Variants in PRKCH observed in about 807,000 individuals in gnomAD.
The protein encoded by PRKCH is protein kinase C eta, also known as protein kinase C eta type.
In PRKCH, 28 loss-of-function variants were observed where a neutral mutation model predicts 82.5. That is an observed-to-expected ratio of 0.34 (90% CI 0.25 to 0.47). PRKCH has a LOEUF of 0.47. Ranked by LOEUF, PRKCH falls within the 20% of genes least tolerant of loss-of-function variation. The pLI, the probability that PRKCH is intolerant of heterozygous loss-of-function variation, is 1.00. For synonymous variants in PRKCH, 322 were observed against 327.4 expected, an observed-to-expected ratio of 0.98 and a Z score of 0.18; for missense variants, 705 against 881.8, an observed-to-expected ratio of 0.80 and a Z score of 2.54.
At chr14:61,380,629 C>G (rs1277976974) in intron 1 of PRKCH, among the ~76,000 whole-genome samples, 1 of 152,156 alleles carries the variant, frequency 6.6e-6, no homozygotes, top group Non-Finnish European at 1.5e-5. Context: ...ATTACATTAC[C>G]TGGGAATTTA....
intron 1 of PRKCH, among the ~76,000 whole-genome samples, chr14:61,243,383 C>CAAAAAAAAA (rs10555022): frequency 9.7e-6 from 1 of 103,402 alleles, no homozygotes; most frequent in Non-Finnish European, 2.0e-5. Context: ...GACTCTGTCT[C>CAAAAAAAAA]AAAAAAAAAA....
intron 1 of PRKCH, among the ~76,000 whole-genome samples, chr14:61,352,796 G>C (rs1314767877): frequency 6.6e-6 from 1 of 152,132 alleles, no homozygotes; most frequent in African/African-American, 2.4e-5. Context: ...AGGCATGCCT[G>C]GTATGACCTA....
intron 9 of PRKCH, among the ~76,000 whole-genome samples, chr14:61,474,701 A>G (rs946410125): frequency 6.6e-6 from 1 of 152,238 alleles, no homozygotes; most frequent in African/African-American, 2.4e-5. Context: ...AACTTAAAGT[A>G]TAATTTTAAA....
intron 1 of PRKCH, among the ~76,000 whole-genome samples, chr14:61,226,556 G>C (rs1250654611): frequency 6.6e-6 from 1 of 152,194 alleles, no homozygotes; most frequent in African/African-American, 2.4e-5. Flanking sequence ...TGGGGCAACT[G>C]TGTCCTGCTC....
chr14:61,425,068 C>G (rs1471834726), intron 2 of PRKCH, among the ~76,000 whole-genome samples: 1 of 152,218 alleles, frequency 6.6e-6, no homozygotes, highest in South Asian at 2.1e-4. Flanking sequence ...TATGGAAATA[C>G]CTGGATGTCC....
upstream of PRKCH, among the ~76,000 whole-genome samples, chr14:61,317,024 C>T (rs559067050): frequency 4.8e-4 from 73 of 152,288 alleles, no homozygotes; most frequent in African/African-American, 1.7e-3. Flanking sequence ...CTGTATTTTG[C>T]CTGTAGCCTT....
chr14:61,524,643 G>C lies in PRKCH; in HGVS notation c.1434-4432G>C, dbSNP rs571231172. ...TTCTTTTGCTTTAAAAAAAATAAAGGCATGATTTCCCTTTAGAGTGGAAGC... is the reference window on the plus strand; with the variant it reads ...TTCTTTTGCTTTAAAAAAAATAAAGCCATGATTTCCCTTTAGAGTGGAAGC... On this transcript the variant is annotated intron_variant, in intron 10 of 13. Coordinates refer to ENST00000332981, the MANE Select transcript of PRKCH (RefSeq NM_006255.5). Among the ~76,000 whole-genome samples the C allele has an allele frequency of 1.4e-4, 22 of 152,168 alleles. No homozygotes were observed. In the South Asian group the frequency reaches 2.3e-3, roughly 16 times the overall value.
chr14:61,296,011 C>A (rs1466854767), intron 1 of PRKCH, among the ~76,000 whole-genome samples: 1 of 152,154 alleles, frequency 6.6e-6, no homozygotes, highest in Non-Finnish European at 1.5e-5. Context: ...ATATGATCTT[C>A]ATTCCCCAAA....
chr14:61,189,007 A>G (rs1233240515), intron 1 of PRKCH, among the ~76,000 whole-genome samples: 1 of 135,934 alleles, frequency 7.4e-6, no homozygotes, highest in Non-Finnish European at 1.6e-5. Context: ...GTCGTGAGCC[A>G]CCGCGCCAGC....
chr14:61,247,735 CAAAAAAAA>C (rs202153655), intron 1 of PRKCH, among the ~76,000 whole-genome samples: 23 of 52,720 alleles, frequency 4.4e-4, no homozygotes, highest in Middle Eastern at 0.019. Context: ...GACTCCATCT[CAAAAAAAA>C]AAAAAAAAAA....
intron 1 of PRKCH, among the ~76,000 whole-genome samples, chr14:61,361,866 G>A (rs1360918889): frequency 6.6e-6 from 1 of 152,172 alleles, no homozygotes; most frequent in Non-Finnish European, 1.5e-5. Flanking sequence ...GTTTATTTAA[G>A]TTTTACCATG....
chr14:61,405,925 C>T, intron 2 of PRKCH, among the ~76,000 whole-genome samples: 1 of 145,458 alleles, frequency 6.9e-6, no homozygotes, highest in Non-Finnish European at 1.5e-5. Flanking sequence ...TTACCAAGTA[C>T]TGAGAATAGG....
chr14:61,395,883 C>T (rs528141402), intron 2 of PRKCH, among the ~76,000 whole-genome samples: 25 of 151,950 alleles, frequency 1.6e-4, no homozygotes, highest in Non-Finnish European at 2.5e-4. Context: ...AGTTTGAGAC[C>T]GGCCTGGGCA....
chr14:61,478,514 T>C (rs1398196763), intron 9 of PRKCH, among the ~76,000 whole-genome samples: 1 of 152,192 alleles, frequency 6.6e-6, no homozygotes, highest in Non-Finnish European at 1.5e-5. Context: ...ACATGATCAC[T>C]GTAGTTATAG....
chr14:61,222,865 ATTGAGCTAT>A (rs1170410259), intron 1 of PRKCH, among the ~76,000 whole-genome samples: 1 of 152,206 alleles, frequency 6.6e-6, no homozygotes, highest in Non-Finnish European at 1.5e-5. Context: ...GATTCGTCTA[ATTGAGCTAT>A]TTCTGTTTCC....
intron 1 of PRKCH, among the ~76,000 whole-genome samples, chr14:61,207,132 A>T (rs959658908): frequency 2.1e-5 from 3 of 141,182 alleles, no homozygotes; most frequent in Non-Finnish European, 3.1e-5. Flanking sequence ...AAAAAAAAAA[A>T]AAGATGTACT....
At chr14:61,282,061 G>A (rs1471826658) in intron 1 of PRKCH, among the ~76,000 whole-genome samples, 1 of 151,718 alleles carries the variant, frequency 6.6e-6, no homozygotes, top group Non-Finnish European at 1.5e-5. Context: ...ACCAAGAAAG[G>A]AAAAAATGTG....
intron 1 of PRKCH, among the ~76,000 whole-genome samples, chr14:61,271,431 A>G (rs1393280834): frequency 6.6e-6 from 1 of 152,220 alleles, no homozygotes; most frequent in East Asian, 1.9e-4. Flanking sequence ...GTTCTTTTTC[A>G]GGGCTGTCTT....
At chr14:61,334,887 A>G (rs185535092) in intron 1 of PRKCH, among the ~76,000 whole-genome samples, 1 of 152,096 alleles carries the variant, frequency 6.6e-6, no homozygotes, top group Admixed American at 6.5e-5. Context: ...TAATTTTTTT[A>G]GATATGGGCT....
Sources: allele counts gnomAD v4.1 joint callset (sites outside exome capture counted in the v4.1 genomes callset), GRCh38; gene constraint gnomAD v4.1.1; transcripts MANE v1.5; gene names NCBI Gene and HGNC (gene_info 2026-07-23, HGNC 2026-07-21).